SLC41A2: variants seen among roughly 807,000 people sequenced by gnomAD.
The protein encoded by SLC41A2 is solute carrier family 41 member 2.
In SLC41A2, 32 loss-of-function variants were observed where a neutral mutation model predicts 58.3. The observed-to-expected ratio is 0.55, with a 90% CI of 0.41 to 0.74. The LOEUF is 0.74. SLC41A2 is among the 30% of genes least tolerant of loss of function. The pLI is 0.00. For missense variants in SLC41A2, 514 were observed against 680.6 expected (o/e 0.76, Z 2.72); for synonymous variants, 190 against 235.0 (o/e 0.81, Z 1.75).
chr12:104,940,200 T>TG (rs1328920938), intron 1 of SLC41A2, among the ~76,000 whole-genome samples: 3 of 151,998 alleles, frequency 2.0e-5, no homozygotes, highest in Non-Finnish European at 2.9e-5. Flanking sequence ...TTAGTAGAGA[T>TG]GGGGTTTCTC....
intron 6 of SLC41A2, among the ~76,000 whole-genome samples, chr12:104,875,352 G>T (rs2043994954): frequency 2.0e-5 from 3 of 152,134 alleles, no homozygotes; most frequent in Admixed American, 6.5e-5. Context: ...GCCCAGGCAG[G>T]ACTCCAACTC....
chr12:104,826,887 A>T (rs1440684401), intron 10 of SLC41A2, among the ~76,000 whole-genome samples: 1 of 152,188 alleles, frequency 6.6e-6, no homozygotes, highest in Non-Finnish European at 1.5e-5. Context: ...TTTGGGGATG[A>T]GCTTTGTATC....
intron 6 of SLC41A2, among the ~76,000 whole-genome samples, chr12:104,879,657 C>G (rs1293855396): frequency 6.6e-6 from 1 of 152,034 alleles, no homozygotes; most frequent in Non-Finnish European, 1.5e-5. Context: ...TGGGTTATAT[C>G]TCTGTTTTGG....
chr12:104,871,409 T>C (rs1305471571), intron 6 of SLC41A2, among the ~76,000 whole-genome samples: 2 of 152,226 alleles, frequency 1.3e-5, no homozygotes, highest in Admixed American at 6.5e-5. Context: ...TAAAGATTAC[T>C]GTATGTTTAA....
intron 8 of SLC41A2, 132 bp downstream of exon 8, chr12:104,861,159 G>T: frequency 1.9e-6 from 1 of 525,532 alleles, no homozygotes. Flanking sequence ...CAACAACTTG[G>T]GGTTGGAGGC....
chr12:104,837,991 C>T (rs1325482127), intron 10 of SLC41A2, among the ~76,000 whole-genome samples: 5 of 152,190 alleles, frequency 3.3e-5, no homozygotes, highest in Non-Finnish European at 7.4e-5. Context: ...GCTCTGCTTA[C>T]TGGGGGCCTA....
intron 1 of SLC41A2, among the ~76,000 whole-genome samples, chr12:104,933,909 G>A (rs2047163977): frequency 6.6e-6 from 1 of 151,944 alleles, no homozygotes; most frequent in African/African-American, 2.4e-5. Context: ...ATGGACACTG[G>A]AGACTCAGAA....
chr12:104,866,426 A>G lies in SLC41A2; in HGVS notation c.1175+6T>C. 1.2e-6 allele frequency: 2 copies of G among 1,610,194 alleles called. No homozygotes were observed. The highest frequency in any genetic ancestry group is 1.1e-5 in the South Asian group (1 of 90,664). On this transcript the variant is annotated splice_donor_region_variant and intron_variant, in intron 7 of 10. Transcript: ENST00000258538. Reference sequence around the variant, plus strand: ...CACACACACACACACATATTTTAATACTAACCTACTTATAACCATAGCTGT... The same window carrying G: ...CACACACACACACACATATTTTAATGCTAACCTACTTATAACCATAGCTGT...
At position 104,804,287 on chromosome 12, in the gene SLC41A2, A is replaced by T. The variant is rs1428177974; in HGVS notation, c.*865T>A. On this transcript the variant is annotated 3_prime_UTR_variant, in exon 11 of 11. Coordinates refer to ENST00000258538, the MANE Select transcript of SLC41A2 (RefSeq NM_001352171.3). ...TCTATATTGCTGATATTCCAACAGC[A>T]CTATGATCTTTGCTATCAGCAATCC... is the stretch of plus-strand genomic sequence containing the variant. 6.6e-6 allele frequency: 1 copy of T among 152,124 alleles called. No individual in the cohort carries two copies. Among genetic ancestry groups the T allele is most frequent in the Non-Finnish European group, 1.5e-5 (1 of 68,046 alleles). 9.4% of individuals were successfully genotyped at this position (152,124 alleles called of 1,614,324 possible). A position where few individuals can be genotyped will look rare whatever the true frequency, so the allele number is the denominator to read the frequency against.
chr12:104,893,811 T>G (rs552796661), intron 4 of SLC41A2, among the ~76,000 whole-genome samples: 2 of 152,052 alleles, frequency 1.3e-5, no homozygotes, highest in African/African-American at 4.8e-5. Context: ...TCAAAACAAT[T>G]GAACTCATGG....
Position 104,947,194 on chromosome 12 carries a change from C to CTTTTTTTTTTTTTTTTTTTTTTTTTT in SLC41A2, c.-168+10893_-168+10894insAAAAAAAAAAAAAAAAAAAAAAAAAA, listed in dbSNP as rs1491116311. The stretch of plus-strand genomic sequence containing the variant: ...CTGAATTTCTGGCTTTTATTTTTGT[C>CTTTTTTTTTTTTTTTTTTTTTTTTTT]CTTTTTTTTTTTTTTTTTTTTTTTT... On this transcript the variant is annotated intron_variant, in intron 1 of 10. Coordinates refer to ENST00000258538, the MANE Select transcript of SLC41A2 (RefSeq NM_001352171.3). Among the ~76,000 whole-genome samples the CTTTTTTTTTTTTTTTTTTTTTTTTTT allele has an allele frequency of 5.6e-4, 30 of 53,668 alleles. 15 individuals are homozygous for CTTTTTTTTTTTTTTTTTTTTTTTTTT. Among genetic ancestry groups the CTTTTTTTTTTTTTTTTTTTTTTTTTT allele is most frequent in the South Asian group, 1.7e-3 (2 of 1,144 alleles). The allele number at this position is 53,668 out of a possible 152,430, so 35.2% of individuals were successfully genotyped here.
At chr12:104,894,228 C>A (rs1172318367) in intron 4 of SLC41A2, among the ~76,000 whole-genome samples, 3 of 151,956 alleles carry the variant, frequency 2.0e-5, no homozygotes, top group Admixed American at 1.3e-4. Context: ...GTGGCGCGTA[C>A]CTGTAGTCCC....
At chr12:104,851,568 T>C (rs1272513733) in intron 8 of SLC41A2, among the ~76,000 whole-genome samples, 1 of 151,954 alleles carries the variant, frequency 6.6e-6, no homozygotes, top group African/African-American at 2.4e-5. Flanking sequence ...AAAAATTTTT[T>C]TTAGAGATGG....
intron 1 of SLC41A2, among the ~76,000 whole-genome samples, chr12:104,931,153 C>T (rs1313616857): frequency 6.6e-6 from 1 of 152,258 alleles, no homozygotes; most frequent in East Asian, 1.9e-4. Context: ...GCAGAATCTG[C>T]ATAACCTTAC....
intron 4 of SLC41A2, among the ~76,000 whole-genome samples, chr12:104,894,756 G>C (rs1015618183): frequency 6.6e-6 from 1 of 152,124 alleles, no homozygotes; most frequent in African/African-American, 2.4e-5. Flanking sequence ...ACTCATCTAA[G>C]ATTAGAAAAA....
At chr12:104,920,650 C>T (rs1243274154) in intron 2 of SLC41A2, among the ~76,000 whole-genome samples, 2 of 152,018 alleles carry the variant, frequency 1.3e-5, no homozygotes, top group South Asian at 2.1e-4. Flanking sequence ...ATGGGCTGGG[C>T]GTGGTGGCTC....
At chr12:104,920,314 T>TAAA (rs1402220204) in intron 2 of SLC41A2, among the ~76,000 whole-genome samples, 2 of 152,150 alleles carry the variant, frequency 1.3e-5, no homozygotes, top group Non-Finnish European at 2.9e-5. Context: ...TAATCTTATT[T>TAAA]ATATCTACAA....
chr12:104,897,151 T>C (rs539786588), intron 3 of SLC41A2, among the ~76,000 whole-genome samples: 5 of 145,590 alleles, frequency 3.4e-5, no homozygotes, highest in South Asian at 2.2e-4. Flanking sequence ...TTTCTTTTTT[T>C]TTTTTTTTTT....
chr12:104,943,056 T>C (rs2047571822), intron 1 of SLC41A2, among the ~76,000 whole-genome samples: 1 of 152,124 alleles, frequency 6.6e-6, no homozygotes, highest in African/African-American at 2.4e-5. Flanking sequence ...AAGGACCAAA[T>C]TAAAATACAC....
Sources: allele counts gnomAD v4.1 joint callset (sites outside exome capture counted in the v4.1 genomes callset), GRCh38; gene constraint gnomAD v4.1.1; transcripts MANE v1.5; gene names NCBI Gene and HGNC (gene_info 2026-07-23, HGNC 2026-07-21).